PDE3A: variants seen among roughly 807,000 people sequenced by gnomAD.
The protein encoded by PDE3A is phosphodiesterase 3A, also known as cGMP-inhibited 3',5'-cyclic phosphodiesterase 3A.
In PDE3A, 43 loss-of-function variants were observed where a neutral mutation model predicts 98.3. The ratio of observed to expected loss-of-function variants is 0.44; its 90% confidence interval spans 0.34 to 0.56. PDE3A has a LOEUF of 0.56. Ranked by LOEUF, PDE3A falls within the 20% of genes least tolerant of loss-of-function variation. The probability of loss-of-function intolerance (pLI) is 0.01; values close to 1 mark genes in which losing one functional copy is unlikely to be tolerated. For synonymous variants in PDE3A, 663 were observed against 567.9 expected (o/e 1.17, Z -2.38); for missense variants, 1,427 against 1,440.7 (o/e 0.99, Z 0.15).
chr12:20,665,171 C>T (rs991533222), intron 15 of PDE3A, among the ~76,000 whole-genome samples: 2 of 152,136 alleles, frequency 1.3e-5, no homozygotes, highest in Non-Finnish European at 1.5e-5. Context: ...TCACTATTTT[C>T]CTACTAGAGT....
At chr12:20,504,925 G>T (rs1028261207) in intron 1 of PDE3A, among the ~76,000 whole-genome samples, 1 of 151,986 alleles carries the variant, frequency 6.6e-6, no homozygotes, top group Non-Finnish European at 1.5e-5. Flanking sequence ...AAATTCTAGG[G>T]TTTAGAACAT....
chr12:20,451,661 T>G (rs563996948), intron 1 of PDE3A, among the ~76,000 whole-genome samples: 1 of 152,332 alleles, frequency 6.6e-6, no homozygotes, highest in South Asian at 2.1e-4. Context: ...GTGACTTTTT[T>G]GAATGTGAGA....
At chr12:20,583,769 C>A (rs1021706522) in intron 2 of PDE3A, among the ~76,000 whole-genome samples, 6 of 151,890 alleles carry the variant, frequency 4.0e-5, no homozygotes, top group Non-Finnish European at 8.8e-5. Flanking sequence ...GGCTTTTTTT[C>A]ATTGATCAAT....
At chr12:20,642,128 G>A (rs1565459930) in intron 10 of PDE3A, among the ~76,000 whole-genome samples, 4 of 152,016 alleles carry the variant, frequency 2.6e-5, no homozygotes, top group Admixed American at 2.6e-4. Context: ...AAGCATAAGA[G>A]GAACCAAAGT....
chr12:20,633,611 C>G (rs866356011), intron 6 of PDE3A, 82 bp from the exon 7 acceptor site: 14 of 625,902 alleles, frequency 2.2e-5, no homozygotes, highest in Middle Eastern at 2.6e-4. Context: ...TGTTGTTTAT[C>G]TTAATGTATA....
chr12:20,377,969 T>C (rs1015438441), intron 1 of PDE3A, among the ~76,000 whole-genome samples: 1 of 151,770 alleles, frequency 6.6e-6, no homozygotes, highest in African/African-American at 2.4e-5. Context: ...GTGCTTATGT[T>C]TGTAGGTCAT....
chr12:20,514,510 G>T (rs1039063887), intron 1 of PDE3A, among the ~76,000 whole-genome samples: 1 of 152,128 alleles, frequency 6.6e-6, no homozygotes, highest in African/African-American at 2.4e-5. Flanking sequence ...TAAAAGAACA[G>T]AACCCTTGAA....
chr12:20,596,313 G>A (rs1250878628), intron 2 of PDE3A, among the ~76,000 whole-genome samples: 1 of 151,974 alleles, frequency 6.6e-6, no homozygotes, highest in Admixed American at 6.6e-5. Flanking sequence ...GTGGAGTGGG[G>A]TATCATTTTG....
intron 2 of PDE3A, among the ~76,000 whole-genome samples, chr12:20,562,323 G>A (rs990151791): frequency 2.0e-5 from 3 of 149,802 alleles, no homozygotes; most frequent in Non-Finnish European, 3.0e-5. Context: ...CTGGTTCAGC[G>A]ATTCTCCTGC....
chr12:20,565,641 C>T (rs943162649), intron 2 of PDE3A, among the ~76,000 whole-genome samples: 3 of 151,592 alleles, frequency 2.0e-5, no homozygotes, highest in South Asian at 2.1e-4. Flanking sequence ...GCAAAGAAAA[C>T]GGGAAATGTT....
intron 1 of PDE3A, among the ~76,000 whole-genome samples, chr12:20,501,479 G>A (rs1946024969): frequency 6.6e-6 from 1 of 152,076 alleles, no homozygotes; most frequent in African/African-American, 2.4e-5. Flanking sequence ...ACTCTAAATA[G>A]AAATAAAATT....
chr12:20,397,694 G>C (rs1944043360), intron 1 of PDE3A, among the ~76,000 whole-genome samples: 1 of 151,770 alleles, frequency 6.6e-6, no homozygotes, highest in Non-Finnish European at 1.5e-5. Flanking sequence ...AAAAAATAGA[G>C]ATATTCTTTT....
chr12:20,504,872 G>A (rs902445386), intron 1 of PDE3A, among the ~76,000 whole-genome samples: 12 of 151,676 alleles, frequency 7.9e-5, no homozygotes, highest in Admixed American at 6.6e-4. Context: ...ATCCTTAATC[G>A]CATCTGCAAA....
chr12:20,663,156 G>T (rs1404521280), intron 15 of PDE3A, among the ~76,000 whole-genome samples: 1 of 152,188 alleles, frequency 6.6e-6, no homozygotes, highest in Non-Finnish European at 1.5e-5. Context: ...CAGAAATTGA[G>T]GTCTGGGAAC....
At chr12:20,483,126 C>T (rs2121012624) in intron 1 of PDE3A, among the ~76,000 whole-genome samples, 1 of 152,244 alleles carries the variant, frequency 6.6e-6, no homozygotes, top group African/African-American at 2.4e-5. Context: ...CGCGGTAGCT[C>T]ACTCCTGTAA....
Position 20,630,643 on chromosome 12 carries a change from A to G in PDE3A, c.1760+516A>G, listed in dbSNP as rs200773068. On this transcript the variant is annotated intron_variant, in intron 6 of 15. Coordinates refer to ENST00000359062, the MANE Select transcript of PDE3A (RefSeq NM_000921.5). ...TTTAAGCAATTGTATGTGCTATTCT[A>G]TCATGTTGAAACAAAATTACAAAGT... Among the ~76,000 whole-genome samples, 9 of 152,336 alleles carry G rather than the reference A, an allele frequency of 5.9e-5. No individual in the cohort carries two copies. In the East Asian group the frequency reaches 1.5e-3, roughly 26 times the overall value.
At chr12:20,637,331 G>C in intron 9 of PDE3A, 94 bp downstream of exon 9, 1 of 846,950 alleles carries the variant, frequency 1.2e-6, no homozygotes, top group Non-Finnish European at 1.8e-6. Context: ...TTGTGGATAG[G>C]TGTTATGTGG....
chr12:20,659,411 T>A (rs955820850), intron 15 of PDE3A, among the ~76,000 whole-genome samples: 1 of 152,188 alleles, frequency 6.6e-6, no homozygotes, highest in African/African-American at 2.4e-5. Context: ...CCAAGTTTCT[T>A]TGTCACCCCC....
intron 1 of PDE3A, among the ~76,000 whole-genome samples, chr12:20,448,210 C>G (rs1202721062): frequency 2.6e-5 from 4 of 152,084 alleles, no homozygotes; most frequent in African/African-American, 9.7e-5. Context: ...GAGGCCGAGG[C>G]GGGTGGATCA....
Sources: gnomAD v4.1 joint callset for allele counts (sites outside exome capture counted in the v4.1 genomes callset) on GRCh38, gnomAD v4.1.1 for gene constraint, MANE v1.5 for transcripts, NCBI Gene and HGNC (gene_info 2026-07-23, HGNC 2026-07-21) for gene names.